Variants in CFAP107 observed in about 807,000 individuals in gnomAD.
CFAP107 encodes cilia and flagella associated protein 107, also known as cilia- and flagella-associated protein 107.
chr1:12,751,326 A>G, the CFAP107 span, among the ~76,000 whole-genome samples: 2,598 of 152,270 alleles, frequency 0.017, 45 homozygotes, highest in South Asian at 0.068. Flanking sequence ...AACAGAAAAA[A>G]TCAATAAAAC....
chr1:12,746,333 A>G, the CFAP107 span: 1 of 887,414 alleles, frequency 1.1e-6, no homozygotes, highest in East Asian at 2.6e-5. Flanking sequence ...GGAAGACAAA[A>G]TAGGCACCCC....
chr1:12,762,271 A>C, the CFAP107 span: 1 of 151,854 alleles, frequency 6.6e-6, no homozygotes, highest in Non-Finnish European at 1.5e-5. Flanking sequence ...ACACAGGCTA[A>C]GTCCTCTATG....
At chr1:12,753,331 C>G in the CFAP107 span, 1 of 150,508 alleles carries the variant, frequency 6.6e-6, no homozygotes, top group Non-Finnish European at 1.5e-5. Flanking sequence ...TTATCAAAAC[C>G]CCAGTAAAGG....
chr1:12,750,222 T>A, the CFAP107 span, among the ~76,000 whole-genome samples: 1 of 151,990 alleles, frequency 6.6e-6, no homozygotes, highest in East Asian at 1.9e-4. Context: ...ACAAAGAAAA[T>A]GCCTATAAAA....
the CFAP107 span, among the ~76,000 whole-genome samples, chr1:12,751,918 A>G: frequency 1.3e-5 from 2 of 152,196 alleles, no homozygotes; most frequent in Non-Finnish European, 2.9e-5. Context: ...ATAAAGAAAT[A>G]GAAAATCTGA....
At chr1:12,763,517 C>T in the CFAP107 span, 3 of 152,048 alleles carry the variant, frequency 2.0e-5, no homozygotes, top group Non-Finnish European at 4.4e-5. Flanking sequence ...GCCATGGGGG[C>T]AACACGTTTG....
the CFAP107 span, chr1:12,759,561 T>A: frequency 1.9e-6 from 3 of 1,560,054 alleles, no homozygotes; most frequent in Non-Finnish European, 2.6e-6. Context: ...TGTACCTGCC[T>A]CATGCAGAAG....
the CFAP107 span, among the ~76,000 whole-genome samples, chr1:12,758,272 A>G: frequency 6.6e-6 from 1 of 152,186 alleles, no homozygotes; most frequent in African/African-American, 2.4e-5. Context: ...CTAATAAGGA[A>G]AAATCCCAGG....
At chr1:12,752,126 C>T in the CFAP107 span, among the ~76,000 whole-genome samples, 3 of 152,040 alleles carry the variant, frequency 2.0e-5, no homozygotes. Flanking sequence ...CAGCATTACC[C>T]TGATACTAAA....
the CFAP107 span, among the ~76,000 whole-genome samples, chr1:12,751,856 C>T: frequency 8.7e-4 from 133 of 152,174 alleles, no homozygotes; most frequent in African/African-American, 3.1e-3. Context: ...TTATATAATT[C>T]TCCATGAAAT....
the CFAP107 span, among the ~76,000 whole-genome samples, chr1:12,750,801 T>C: frequency 1.3e-5 from 2 of 151,442 alleles, no homozygotes; most frequent in Non-Finnish European, 2.9e-5. Flanking sequence ...ATAGATCAAT[T>C]GGACCTGATA....
At chr1:12,752,167 A>G in the CFAP107 span, among the ~76,000 whole-genome samples, 1 of 152,194 alleles carries the variant, frequency 6.6e-6, no homozygotes, top group Non-Finnish European at 1.5e-5. Flanking sequence ...AGAAAACTAC[A>G]AACCAATATT....
At chr1:12,758,392 A>G in the CFAP107 span, among the ~76,000 whole-genome samples, 3 of 152,162 alleles carry the variant, frequency 2.0e-5, no homozygotes, top group Non-Finnish European at 2.9e-5. Context: ...TGTTGATGGG[A>G]AACCCTCCAA....
chr1:12,760,871 C>T, the CFAP107 span: 2 of 1,614,170 alleles, frequency 1.2e-6, no homozygotes, highest in South Asian at 2.2e-5. Context: ...CTACCCCAGA[C>T]CACCGTTGTG....
the CFAP107 span, among the ~76,000 whole-genome samples, chr1:12,748,240 A>T: frequency 6.6e-6 from 1 of 152,108 alleles, no homozygotes. Flanking sequence ...CTCAGATGGG[A>T]AAAGGTGGCA....
chr1:12,755,510 C>T, the CFAP107 span, among the ~76,000 whole-genome samples: 3 of 152,148 alleles, frequency 2.0e-5, no homozygotes, highest in African/African-American at 7.2e-5. Context: ...AATGACAGCT[C>T]TTCCCGGGGG....
chr1:12,755,084 A>C, the CFAP107 span, among the ~76,000 whole-genome samples: 1 of 152,170 alleles, frequency 6.6e-6, no homozygotes. Context: ...AAGGTGAGAG[A>C]GTTGGAAAGA....
the CFAP107 span, chr1:12,762,407 C>A: frequency 6.7e-6 from 1 of 149,178 alleles, no homozygotes; most frequent in Non-Finnish European, 1.5e-5. Flanking sequence ...TACTAAGTTC[C>A]TTCCTTAGTC....
chr1:12,752,317 G>A, the CFAP107 span, among the ~76,000 whole-genome samples: 1 of 152,044 alleles, frequency 6.6e-6, no homozygotes, highest in Non-Finnish European at 1.5e-5. Flanking sequence ...GGGCATAGTG[G>A]CTCATGCCTG....
Sources: gnomAD v4.1 joint callset for allele counts (sites outside exome capture counted in the v4.1 genomes callset) on GRCh38, gnomAD v4.1.1 for gene constraint, MANE v1.5 for transcripts, NCBI Gene and HGNC (gene_info 2026-07-23, HGNC 2026-07-21) for gene names.